The following XPR1 variants were observed in gnomAD, a reference collection of about 807,000 sequenced individuals.
XPR1 encodes the protein xenotropic and polytropic retrovirus receptor 1, also known as solute carrier family 53 member 1.
In XPR1, 28 loss-of-function variants were observed where a neutral mutation model predicts 87.5. The ratio of observed to expected loss-of-function variants is 0.32; its 90% CI spans 0.24 to 0.44. The LOEUF (loss-of-function observed/expected upper bound fraction) is 0.44. Among genes scored for constraint, XPR1 ranks in the 20% least tolerant of loss-of-function variants. The probability of loss-of-function intolerance (pLI) is 1.00; values close to 1 mark genes in which losing one functional copy is unlikely to be tolerated. For missense variants in XPR1, 559 were observed against 862.3 expected, an observed-to-expected ratio of 0.65 and a Z score of 4.41; for synonymous variants, 300 against 306.1, an observed-to-expected ratio of 0.98 and a Z score of 0.21.
At chr1:180,772,393 C>G (rs1648550020) in intron 2 of XPR1, among the ~76,000 whole-genome samples, 1 of 152,136 alleles carries the variant, frequency 6.6e-6, no homozygotes, top group Non-Finnish European at 1.5e-5. Flanking sequence ...ATTTAGGAAC[C>G]AAGATCTGAG....
At chr1:180,760,579 G>T in intron 2 of XPR1, among the ~76,000 whole-genome samples, 1 of 152,134 alleles carries the variant, frequency 6.6e-6, no homozygotes, top group East Asian at 1.9e-4. Flanking sequence ...ACCTCTTCAA[G>T]GAGAACTACA....
At chr1:180,881,715 T>C (rs889222598) in intron 14 of XPR1, among the ~76,000 whole-genome samples, 4 of 152,094 alleles carry the variant, frequency 2.6e-5, no homozygotes, top group South Asian at 2.1e-4. Flanking sequence ...CAGTAACTCA[T>C]TGGATATAGA....
intron 2 of XPR1, among the ~76,000 whole-genome samples, chr1:180,724,279 AC>A (rs1391789141): frequency 2.0e-5 from 3 of 152,150 alleles, no homozygotes; most frequent in Non-Finnish European, 4.4e-5. Flanking sequence ...GGGCCAACTT[AC>A]CCATTAAGCA....
intron 2 of XPR1, among the ~76,000 whole-genome samples, chr1:180,697,669 C>T (rs1657214440): frequency 6.6e-6 from 1 of 151,966 alleles, no homozygotes; most frequent in Non-Finnish European, 1.5e-5. Context: ...TGTTTTAAGA[C>T]ATTTAAAATT....
chr1:180,729,662 G>A (rs1318087362), intron 2 of XPR1, among the ~76,000 whole-genome samples: 2 of 152,256 alleles, frequency 1.3e-5, no homozygotes, highest in East Asian at 3.9e-4. Context: ...GTAATGTTGA[G>A]TATTTTTTCA....
At chr1:180,742,207 A>C (rs764504045) in intron 2 of XPR1, among the ~76,000 whole-genome samples, 34 of 151,458 alleles carry the variant, frequency 2.2e-4, no homozygotes, top group Non-Finnish European at 4.1e-4. Flanking sequence ...TTTTGTTTAC[A>C]TTTTCTATTT....
intron 2 of XPR1, among the ~76,000 whole-genome samples, chr1:180,714,753 CTTCT>C (rs1485742826): frequency 1.3e-5 from 2 of 151,882 alleles, no homozygotes; most frequent in Admixed American, 6.6e-5. Flanking sequence ...TATTTTCTTC[CTTCT>C]TTCTTTGAGT....
intron 7 of XPR1, among the ~76,000 whole-genome samples, chr1:180,822,596 A>G (rs1650677579): frequency 6.6e-6 from 1 of 152,172 alleles, no homozygotes; most frequent in African/African-American, 2.4e-5. Context: ...CACCTAATCA[A>G]TACTTGTCAA....
chr1:180,848,508 G>A (rs1250689914), intron 11 of XPR1, among the ~76,000 whole-genome samples: 2 of 151,998 alleles, frequency 1.3e-5, no homozygotes, highest in Non-Finnish European at 1.5e-5. Context: ...CTTTTTTATG[G>A]CTGAATAGTA....
intron 1 of XPR1, among the ~76,000 whole-genome samples, chr1:180,656,429 ATATATTTATATATAAATATT>A (rs1655486864): frequency 2.1e-5 from 1 of 47,110 alleles, no homozygotes; most frequent in Non-Finnish European, 3.9e-5. Context: ...ATAAATATTT[ATATATTTATATATAAATATT>A]TATATATTTA....
intron 2 of XPR1, among the ~76,000 whole-genome samples, chr1:180,742,716 G>A (rs1397074888): frequency 1.3e-5 from 2 of 152,020 alleles, no homozygotes; most frequent in Non-Finnish European, 2.9e-5. Context: ...TCATTTTATT[G>A]ATTACTAAGA....
intron 2 of XPR1, among the ~76,000 whole-genome samples, chr1:180,784,966 T>G (rs1649078929): frequency 6.6e-6 from 1 of 150,930 alleles, no homozygotes. Context: ...TCTTGCTGTT[T>G]TATTTATATT....
chr1:180,812,246 G>C (rs1650244039), intron 7 of XPR1, among the ~76,000 whole-genome samples: 2 of 152,196 alleles, frequency 1.3e-5, no homozygotes, highest in African/African-American at 2.4e-5. Flanking sequence ...AAATGTTAGG[G>C]TATAGTGCTG....
Position 180,889,330 on chromosome 1 carries a change from C to T in XPR1, c.*5264C>T, listed in dbSNP as rs923066686. 1.3e-5 allele frequency: 2 copies of T among 152,210 alleles called. No homozygotes were observed. Among genetic ancestry groups the T allele is most frequent in the Non-Finnish European group, 2.9e-5 (2 of 68,052 alleles). 9.4% of individuals were successfully genotyped at this position (152,210 alleles called of 1,614,324 possible). Reference sequence around the variant, plus strand: ...GTACACAGTCTCGTATACCTTCAAACCAGTTACTTGACTAAACTTCCACCA... The same window carrying T: ...GTACACAGTCTCGTATACCTTCAAATCAGTTACTTGACTAAACTTCCACCA... On this transcript the variant is annotated 3_prime_UTR_variant, in exon 15 of 15. Coordinates refer to ENST00000367590, the MANE Select transcript of XPR1 (RefSeq NM_004736.4).
chr1:180,835,047 T>G lies in XPR1; in HGVS notation c.1306+2T>G. On this transcript the variant is annotated splice_donor_variant, in intron 10 of 14. Coordinates refer to ENST00000367590, the MANE Select transcript of XPR1 (RefSeq NM_004736.4). LOFTEE classifies it high-confidence loss of function. The stretch of plus-strand genomic sequence containing the variant: ...GCCTGTTGCCAAATAATTCAGAAGG[T>G]AGGGTATGAATTTGCATCTATACTA... 1 of 1,613,628 alleles carries G rather than the reference T, an allele frequency of 6.2e-7. No homozygotes were observed. Among genetic ancestry groups the G allele is most frequent in the Non-Finnish European group, 8.5e-7 (1 of 1,179,762 alleles).
At chr1:180,853,626 GACACACACACAC>G (rs143320476) in intron 11 of XPR1, among the ~76,000 whole-genome samples, 32 of 140,332 alleles carry the variant, frequency 2.3e-4, no homozygotes, top group Non-Finnish European at 3.9e-4. Flanking sequence ...TTAGACTATA[GACACACACACAC>G]ACACACACAC....
chr1:180,712,845 T>A (rs543517549), intron 2 of XPR1, among the ~76,000 whole-genome samples: 29 of 151,378 alleles, frequency 1.9e-4, no homozygotes, highest in Middle Eastern at 3.4e-3. Context: ...AAAAAATAAA[T>A]CAGTTGTTCA....
chr1:180,666,959 A>G (rs1364226277), intron 1 of XPR1, among the ~76,000 whole-genome samples: 1 of 151,378 alleles, frequency 6.6e-6, no homozygotes, highest in Non-Finnish European at 1.5e-5. Flanking sequence ...TCTGTCACCC[A>G]GGCTGGAGTG....
chr1:180,800,457 A>G (rs1346838303), intron 3 of XPR1, among the ~76,000 whole-genome samples: 2 of 152,220 alleles, frequency 1.3e-5, no homozygotes, highest in African/African-American at 2.4e-5. Context: ...TCTTAAAACT[A>G]CAAAAAACTG....
Sources: allele counts gnomAD v4.1 joint callset (sites outside exome capture counted in the v4.1 genomes callset), GRCh38; gene constraint gnomAD v4.1.1; transcripts MANE v1.5; gene names NCBI Gene and HGNC (gene_info 2026-07-23, HGNC 2026-07-21).